Variants in COL23A1 observed in about 807,000 individuals in gnomAD.
COL23A1 encodes collagen alpha-1(XXIII) chain.
COL23A1 carries 97 observed loss-of-function variants against 99.3 expected under a neutral mutation model. The observed-to-expected ratio is 0.98, with a 90% CI of 0.83 to 1.16. COL23A1 has a LOEUF of 1.16. Among genes scored for constraint, COL23A1 ranks in the 50% most tolerant of loss-of-function variants. The probability of loss-of-function intolerance (pLI) is 0.00; values close to 1 mark genes in which losing one functional copy is unlikely to be tolerated. For synonymous variants in COL23A1, 320 were observed against 308.2 expected (o/e 1.04, Z -0.40); for missense variants, 762 against 757.4 (o/e 1.01, Z -0.07).
At chr5:178,478,711 A>G (rs1284271277) in intron 2 of COL23A1, among the ~76,000 whole-genome samples, 1 of 152,158 alleles carries the variant, frequency 6.6e-6, no homozygotes, top group East Asian at 1.9e-4. Context: ...ACCCGAGGCC[A>G]GTTGTTTTAT....
At chr5:178,392,653 C>A (rs955875849) in intron 2 of COL23A1, among the ~76,000 whole-genome samples, 4 of 152,174 alleles carry the variant, frequency 2.6e-5, no homozygotes, top group Non-Finnish European at 5.9e-5. Context: ...CCTGCTGCCA[C>A]CCTCAGCCTA....
intron 2 of COL23A1, among the ~76,000 whole-genome samples, chr5:178,386,921 C>T (rs1301012816): frequency 6.6e-6 from 1 of 152,112 alleles, no homozygotes; most frequent in Non-Finnish European, 1.5e-5. Context: ...CGGCCATTGC[C>T]CAGTATCATC....
chr5:178,300,356 G>A (rs1053510675), intron 3 of COL23A1, among the ~76,000 whole-genome samples: 1 of 151,840 alleles, frequency 6.6e-6, no homozygotes, highest in African/African-American at 2.4e-5. Context: ...ATGAGCCACT[G>A]CACCCGGCCT....
chr5:178,344,268 C>A (rs1581188790), intron 2 of COL23A1, among the ~76,000 whole-genome samples: 1 of 152,218 alleles, frequency 6.6e-6, no homozygotes, highest in East Asian at 1.9e-4. Context: ...GATTCTGATA[C>A]CTAATCAATG....
chr5:178,546,883 C>T (rs1269880700), intron 2 of COL23A1, among the ~76,000 whole-genome samples: 4 of 152,240 alleles, frequency 2.6e-5, no homozygotes, highest in South Asian at 2.1e-4. Context: ...CAGGGGCACC[C>T]GAGCTGTGGG....
In COL23A1 at chr5:178,575,967, T is replaced by C. The variant is rs767814768; in HGVS notation, c.294+13937A>G. 2.0e-5 allele frequency among the ~76,000 whole-genome samples: 3 copies of C among 152,194 alleles called. No individual in the cohort carries two copies. The East Asian group carries it at 5.8e-4, about 29-fold the overall frequency. ...GAGCAAGTCAATCCATTGATTCCTC[T>C]AGTAGCGATGGATAAAAACCCAACT... On this transcript the variant is annotated intron_variant, in intron 1 of 28. Coordinates refer to ENST00000390654, the MANE Select transcript of COL23A1 (RefSeq NM_173465.4).
At chr5:178,259,608 G>A in intron 12 of COL23A1, 113 bp downstream of exon 12, 1 of 1,061,530 alleles carries the variant, frequency 9.4e-7, no homozygotes, top group Non-Finnish European at 1.3e-6. Flanking sequence ...CCTGTGGGTT[G>A]GCTCCCAGCC....
chr5:178,463,656 A>G (rs1756251782), intron 2 of COL23A1, among the ~76,000 whole-genome samples: 1 of 152,210 alleles, frequency 6.6e-6, no homozygotes, highest in South Asian at 2.1e-4. Context: ...CACACAGCTG[A>G]GAGGCGAGCG....
rs117438520 is a variant in COL23A1, at chr5:178,546,755, C to T, written c.361+13927G>A. ...TGTAGCAAGGGCAGCTATTTCTGTCCGTGACACCCGCTTCCATCAGCCCCA... is the reference window on the plus strand; with the variant it reads ...TGTAGCAAGGGCAGCTATTTCTGTCTGTGACACCCGCTTCCATCAGCCCCA... On this transcript the variant is annotated intron_variant, in intron 2 of 28. Transcript: ENST00000390654. 1.1e-3 allele frequency among the ~76,000 whole-genome samples: 169 copies of T among 152,342 alleles called. 2 individuals carry two copies. In the East Asian group the frequency reaches 0.029, roughly 26 times the overall value.
At position 178,468,619 on chromosome 5, in the gene COL23A1, C is replaced by G. The variant is rs1191141669; in HGVS notation, c.361+92063G>C. Among the ~76,000 whole-genome samples, 1 of 152,164 alleles carries G rather than the reference C, an allele frequency of 6.6e-6. No individual in the cohort carries two copies. Among genetic ancestry groups the G allele is most frequent in the East Asian group, 1.9e-4 (1 of 5,188 alleles). Reference sequence around the variant, plus strand: ...AGCTTCCCCTCCCCTCGAGTCCCCCCAGGCAGCCTGGAGGGAAGGGCCGGG... The same window carrying G: ...AGCTTCCCCTCCCCTCGAGTCCCCCGAGGCAGCCTGGAGGGAAGGGCCGGG... On this transcript the variant is annotated intron_variant, in intron 2 of 28. Transcript: ENST00000390654. This position sits in a 1 kb window ranked among gnomAD's most constrained non-coding sequence, Gnocchi z 4.2.
intron 2 of COL23A1, among the ~76,000 whole-genome samples, chr5:178,557,703 C>T (rs1762351224): frequency 1.3e-5 from 2 of 152,216 alleles, no homozygotes; most frequent in African/African-American, 4.8e-5. Context: ...TCTATGTCTC[C>T]ACACTCCAAA....
intron 2 of COL23A1, chr5:178,344,730 G>C: frequency 2.8e-6 from 1 of 355,282 alleles, no homozygotes; most frequent in Non-Finnish European, 5.3e-6. Flanking sequence ...TGAAACCAGA[G>C]ACACAGAACC....
intron 1 of COL23A1, among the ~76,000 whole-genome samples, chr5:178,580,282 C>A (rs944670473): frequency 6.6e-6 from 1 of 151,238 alleles, no homozygotes; most frequent in Admixed American, 6.6e-5. Flanking sequence ...GAGCCGAGAT[C>A]GTGCCATTGC....
intron 2 of COL23A1, chr5:178,344,889 G>T: frequency 1.3e-6 from 1 of 780,460 alleles, no homozygotes; most frequent in South Asian, 1.3e-5. Flanking sequence ...GTCTTCATGT[G>T]GACAGTCTCA....
At chr5:178,449,766 T>C (rs1767379692) in intron 2 of COL23A1, among the ~76,000 whole-genome samples, 1 of 151,980 alleles carries the variant, frequency 6.6e-6, no homozygotes, top group Non-Finnish European at 1.5e-5. Context: ...CTGAGAAAAT[T>C]ATACACAAAG....
intron 3 of COL23A1, among the ~76,000 whole-genome samples, chr5:178,301,843 G>A (rs1316707065): frequency 1.3e-5 from 2 of 151,782 alleles, no homozygotes; most frequent in African/African-American, 4.8e-5. Context: ...TGTGTGCGCC[G>A]GAGCACAGCT....
chr5:178,556,856 G>A (rs1762303110), intron 2 of COL23A1, among the ~76,000 whole-genome samples: 1 of 151,924 alleles, frequency 6.6e-6, no homozygotes, highest in African/African-American at 2.4e-5. Context: ...GGGAGGCTGA[G>A]GCAGGAGAAT....
intron 2 of COL23A1, among the ~76,000 whole-genome samples, chr5:178,552,215 AACAACTGGGTCT>A (rs1239882377): frequency 6.6e-6 from 1 of 152,160 alleles, no homozygotes; most frequent in African/African-American, 2.4e-5. Context: ...GCCTTCCTCT[AACAACTGGGTCT>A]GCAATTGCCT....
chr5:178,513,992 C>T (rs1759365105), intron 2 of COL23A1, among the ~76,000 whole-genome samples: 1 of 152,200 alleles, frequency 6.6e-6, no homozygotes, highest in Admixed American at 6.5e-5. Context: ...TCACCACCAT[C>T]CATCCATCCA....
Sources: gnomAD v4.1 joint callset for allele counts (sites outside exome capture counted in the v4.1 genomes callset) on GRCh38, gnomAD v4.1.1 for gene constraint, Gnocchi (gnomAD v3.1) non-coding constraint, MANE v1.5 for transcripts, NCBI Gene and HGNC (gene_info 2026-07-23, HGNC 2026-07-21) for gene names.